Variants in USP3 observed in about 807,000 individuals in gnomAD.
The protein encoded by USP3 is ubiquitin specific peptidase 3.
In USP3, 20 loss-of-function variants were observed where a neutral mutation model predicts 72.3. The observed-to-expected ratio is 0.28, with a 90% confidence interval of 0.19 to 0.40. USP3 has a LOEUF of 0.40. Ranked by LOEUF, USP3 falls within the 10% of genes least tolerant of loss-of-function variation. USP3 has a pLI of 1.00. For synonymous variants in USP3, 222 were observed against 225.3 expected (o/e 0.99, Z 0.13); for missense variants, 479 against 633.9 (o/e 0.76, Z 2.62).
intron 1 of USP3, chr15:63,530,436 C>G (rs1226030018): frequency 3.4e-6 from 1 of 292,154 alleles, no homozygotes; most frequent in African/African-American, 2.3e-5. Flanking sequence ...ATTGATCCTC[C>G]CACGTGGCTG....
Position 63,589,000 on chromosome 15 carries a change from C to T in USP3, c.1386C>T (p.His462=), listed in dbSNP as rs1237322372. Residue 462 remains histidine (H), a synonymous_variant, in exon 14 of 15, where the codon CAC becomes CAT. Transcript: ENST00000380324. This position sits in a 1 kb window ranked among gnomAD's most constrained non-coding sequence, Gnocchi z 4.6. ...ATGACCTCGCCGCTGTGGTGGTGCACCATGGTTCCGGGTGAGTACAACAGC... is the reference window on the plus strand; with the variant it reads ...ATGACCTCGCCGCTGTGGTGGTGCATCATGGTTCCGGGTGAGTACAACAGC... ...CLYDLAAVVV[H]HGSGVGSGHY... is the part of the protein sequence containing the mutation. 6.2e-7 allele frequency: 1 copy of T among 1,613,410 alleles called. No homozygotes were observed. The highest frequency in any genetic ancestry group is 8.5e-7 in the Non-Finnish European group (1 of 1,180,034).
chr15:63,594,158 T>G lies in USP3; in HGVS notation c.*3332T>G, dbSNP rs1232964216. 6.6e-6 allele frequency: 1 copy of G among 152,300 alleles called. No individual in the cohort carries two copies. Among genetic ancestry groups the G allele is most frequent in the Non-Finnish European group, 1.5e-5 (1 of 68,096 alleles). The allele number at this position is 152,300 out of a possible 1,614,324, so 9.4% of individuals were successfully genotyped here. A position where few individuals can be genotyped will look rare whatever the true frequency, so the allele number is the denominator to read the frequency against. On this transcript the variant is annotated 3_prime_UTR_variant, in exon 15 of 15. Transcript: ENST00000380324. ...AAAGCCAAACCTCTCCTTCATTGGTTTAGTGTACATAAGTCTATTTAGATA... is the reference window on the plus strand; with the variant it reads ...AAAGCCAAACCTCTCCTTCATTGGTGTAGTGTACATAAGTCTATTTAGATA...
chr15:63,574,569 GA>G lies in USP3; in HGVS notation c.1096+168del, dbSNP rs2066832070. Among the ~76,000 whole-genome samples the G allele has an allele frequency of 1.3e-5, 2 of 152,112 alleles. No homozygotes were observed. Among genetic ancestry groups the G allele is most frequent in the South Asian group, 2.1e-4 (1 of 4,838 alleles). On this transcript the variant is annotated intron_variant, in intron 11 of 14. Transcript: ENST00000380324. The surrounding 1 kb of genome is among the most constrained non-coding windows in gnomAD (Gnocchi z 4.6). ...TTTTCCTACTCCCCAAAATGTTATT[GA>G]ATAAGAATGTGTGCCATAAGATATT... is the stretch of plus-strand genomic sequence containing the variant.
chr15:63,525,521 A>G (rs2065970304), intron 1 of USP3, among the ~76,000 whole-genome samples: 1 of 152,180 alleles, frequency 6.6e-6, no homozygotes, highest in South Asian at 2.1e-4. Context: ...CAGTTGCTTC[A>G]TGTAGCTTGA....
chr15:63,556,814 T>C, intron 5 of USP3, 66 bp downstream of exon 5: 1 of 1,122,200 alleles, frequency 8.9e-7, no homozygotes, highest in South Asian at 1.5e-5. Context: ...TTGTTACAAC[T>C]CTAACATGTA....
intron 11 of USP3, among the ~76,000 whole-genome samples, chr15:63,582,034 G>A (rs983016320): frequency 3.9e-5 from 6 of 152,104 alleles, no homozygotes; most frequent in African/African-American, 1.4e-4. Context: ...TGAAGAATTT[G>A]GAGAAAACTC....
intron 4 of USP3, chr15:63,556,147 A>C (rs1346751317): frequency 6.6e-6 from 1 of 152,274 alleles, no homozygotes; most frequent in Non-Finnish European, 1.5e-5. Context: ...GCGTAGCTGC[A>C]TCTAATGAAT....
Position 63,592,408 on chromosome 15 carries a change from C to A in USP3, c.*1582C>A, listed in dbSNP as rs2067220364. On this transcript the variant is annotated 3_prime_UTR_variant, in exon 15 of 15. Transcript: ENST00000380324. ...TAGCCTACCAATTCTCCACAAGGGACAAAATGTATCTTGTGTTAAGCCAAC... is the reference window on the plus strand; with the variant it reads ...TAGCCTACCAATTCTCCACAAGGGAAAAAATGTATCTTGTGTTAAGCCAAC... The A allele has an allele frequency of 6.8e-6, 1 of 146,844 alleles. No homozygotes were observed. Among genetic ancestry groups the A allele is most frequent in the Non-Finnish European group, 1.5e-5 (1 of 66,952 alleles). 9.1% of individuals were successfully genotyped at this position (146,844 alleles called of 1,614,324 possible).
intron 3 of USP3, among the ~76,000 whole-genome samples, chr15:63,551,088 A>G (rs1457276159): frequency 6.6e-6 from 1 of 152,220 alleles, no homozygotes; most frequent in Non-Finnish European, 1.5e-5. Context: ...TTTGTTTTAC[A>G]TTTAATTCTG....
Position 63,517,309 on chromosome 15 carries a change from A to C in USP3, c.91+12479A>C, listed in dbSNP as rs1047237831. On this transcript the variant is annotated intron_variant, in intron 1 of 14. Transcript: ENST00000380324. ...CTCATTTCCCAATCATTCCTTTTTC[A>C]CATATCCTCTTGCTATTGTTTTGCA... Among the ~76,000 whole-genome samples, 9 of 151,796 alleles carry C rather than the reference A, an allele frequency of 5.9e-5. No homozygotes were observed. The South Asian group carries it at 1.9e-3, about 32-fold the overall frequency.
At chr15:63,579,823 A>T (rs1171073352) in intron 11 of USP3, among the ~76,000 whole-genome samples, 2 of 152,222 alleles carry the variant, frequency 1.3e-5, no homozygotes, top group Non-Finnish European at 2.9e-5. Flanking sequence ...TCATTATAAC[A>T]TCTAAAAAGT....
chr15:63,563,089 G>T, intron 8 of USP3, 81 bp downstream of exon 8: 1 of 1,022,402 alleles, frequency 9.8e-7, no homozygotes, highest in Non-Finnish European at 1.4e-6. Context: ...TGAAGTGGTT[G>T]TATTCTAAAT....
In USP3 at chr15:63,588,997, G is replaced by A; in HGVS notation, c.1383G>A (p.Val461=). ...TGTATGACCTCGCCGCTGTGGTGGT[G>A]CACCATGGTTCCGGGTGAGTACAAC... ...SCLYDLAAVV[V]HHGSGVGSGH... Residue 461 remains valine (V), a synonymous_variant, in exon 14 of 15, where the codon GTG becomes GTA. Coordinates refer to ENST00000380324, the MANE Select transcript of USP3 (RefSeq NM_006537.4). This position sits in a 1 kb window ranked among gnomAD's most constrained non-coding sequence, Gnocchi z 4.6. 1 of 1,613,626 alleles carries A rather than the reference G, an allele frequency of 6.2e-7. No homozygotes were observed. The highest frequency in any genetic ancestry group is 2.2e-5 in the East Asian group (1 of 44,892).
rs2066326951 is a variant in USP3, at chr15:63,546,318, C to T, written c.285-7397C>T. On this transcript the variant is annotated intron_variant, in intron 3 of 14. Transcript: ENST00000380324. ...GGGAAACATGTATTTCTACCTAGAA[C>T]GTTTAACTGTGTTTTGTAACATTTA... Among the ~76,000 whole-genome samples, 3 of 152,310 alleles carry T rather than the reference C, an allele frequency of 2.0e-5. No individual in the cohort carries two copies. In the South Asian group the frequency reaches 6.2e-4, roughly 32 times the overall value.
intron 3 of USP3, among the ~76,000 whole-genome samples, chr15:63,545,221 T>C (rs1426120441): frequency 6.6e-6 from 1 of 152,220 alleles, no homozygotes; most frequent in South Asian, 2.1e-4. Flanking sequence ...ATAATAGAAA[T>C]AAGTAGCTTG....
intron 8 of USP3, among the ~76,000 whole-genome samples, chr15:63,568,522 A>G (rs2066730534): frequency 6.6e-6 from 1 of 152,202 alleles, no homozygotes; most frequent in African/African-American, 2.4e-5. Flanking sequence ...ACATAAACAC[A>G]GCACCCAAAT....
intron 1 of USP3, among the ~76,000 whole-genome samples, chr15:63,507,898 G>A (rs1020588687): frequency 3.4e-4 from 17 of 49,778 alleles, no homozygotes; most frequent in Admixed American, 1.9e-3. Flanking sequence ...AATAATAATA[G>A]ACCCACACCC....
chr15:63,543,752 A>C (rs146132916), intron 3 of USP3, among the ~76,000 whole-genome samples: 1 of 152,262 alleles, frequency 6.6e-6, no homozygotes, highest in Admixed American at 6.5e-5. Flanking sequence ...GTGCTCATCA[A>C]ACATATTACA....
At chr15:63,582,368 A>G (rs1043864785) in intron 11 of USP3, among the ~76,000 whole-genome samples, 2 of 152,194 alleles carry the variant, frequency 1.3e-5, no homozygotes, top group Non-Finnish European at 2.9e-5. Context: ...TGGGCACACC[A>G]GTCTCCTTAC....
Sources: allele counts gnomAD v4.1 joint callset (sites outside exome capture counted in the v4.1 genomes callset), GRCh38; gene constraint gnomAD v4.1.1; non-coding constraint Gnocchi (gnomAD v3.1); transcripts MANE v1.5; gene names NCBI Gene and HGNC (gene_info 2026-07-23, HGNC 2026-07-21).